IP6K2: variants seen among roughly 807,000 people sequenced by gnomAD.
IP6K2 encodes the protein inositol hexakisphosphate kinase 2, also known as ATP:1D-myo-inositol-hexakisphosphate phosphotransferase.
In IP6K2, 9 loss-of-function variants were observed where a neutral mutation model predicts 43.3. That is an observed-to-expected ratio of 0.21 (90% CI 0.13 to 0.36). IP6K2 has a LOEUF of 0.36. Among genes scored for constraint, IP6K2 ranks in the 10% least tolerant of loss-of-function variants. IP6K2 has a pLI of 1.00. For missense variants in IP6K2, 332 were observed against 538.4 expected, an observed-to-expected ratio of 0.62 and a Z score of 3.79; for synonymous variants, 209 against 202.4, an observed-to-expected ratio of 1.03 and a Z score of -0.28.
chr3:48,691,237 G>C, intron 4 of IP6K2, 70 bp downstream of exon 4: 1 of 1,309,022 alleles, frequency 7.6e-7, no homozygotes, highest in Non-Finnish European at 1.1e-6. Context: ...CTCTCTCCAA[G>C]CTCCAAGGGA....
At chr3:48,704,386 A>G (rs549428021) in intron 1 of IP6K2, among the ~76,000 whole-genome samples, 1 of 152,308 alleles carries the variant, frequency 6.6e-6, no homozygotes, top group South Asian at 2.1e-4. Context: ...TATTTTTTTC[A>G]TTCAATTGTA....
At chr3:48,699,102 A>G (rs574326994) in intron 1 of IP6K2, among the ~76,000 whole-genome samples, 4 of 152,290 alleles carry the variant, frequency 2.6e-5, no homozygotes, top group African/African-American at 9.6e-5. Flanking sequence ...TGGCGTCTCT[A>G]GAGTGTGGCT....
chr3:48,690,323 A>G (rs1021805710), intron 4 of IP6K2, among the ~76,000 whole-genome samples: 2 of 152,234 alleles, frequency 1.3e-5, no homozygotes, highest in Non-Finnish European at 2.9e-5. Flanking sequence ...AATGGTTTTT[A>G]CATTTTTAAG....
chr3:48,697,488 ATTTT>A (rs35746542), intron 1 of IP6K2, among the ~76,000 whole-genome samples: 2 of 64,324 alleles, frequency 3.1e-5, no homozygotes, highest in African/African-American at 1.3e-4. Context: ...ATGCCTGGCT[ATTTT>A]TTTTTTTTTT....
chr3:48,694,207 G>C, intron 2 of IP6K2: 1 of 1,551,430 alleles, frequency 6.4e-7, no homozygotes, highest in South Asian at 1.2e-5. Context: ...ATGGGGCAGG[G>C]ATGGCCAGCT....
chr3:48,701,884 C>A (rs892834063), intron 1 of IP6K2, among the ~76,000 whole-genome samples: 6 of 151,980 alleles, frequency 3.9e-5, no homozygotes, highest in Admixed American at 2.0e-4. Flanking sequence ...GGCAACAGAG[C>A]GAGACTTCGT....
At chr3:48,704,848 C>T (rs542866469) in intron 1 of IP6K2, among the ~76,000 whole-genome samples, 2 of 151,980 alleles carry the variant, frequency 1.3e-5, no homozygotes, top group Middle Eastern at 3.2e-3. Flanking sequence ...TCTCACCTCA[C>T]GGCAACCTCT....
intron 1 of IP6K2, among the ~76,000 whole-genome samples, chr3:48,705,579 G>A (rs2079626838): frequency 6.6e-6 from 1 of 151,552 alleles, no homozygotes; most frequent in South Asian, 2.1e-4. Context: ...CTGGAGTGCA[G>A]GAGTTCCAGA....
At chr3:48,706,266 C>T (rs1000744442) in intron 1 of IP6K2, among the ~76,000 whole-genome samples, 2 of 151,702 alleles carry the variant, frequency 1.3e-5, no homozygotes, top group Non-Finnish European at 2.9e-5. Flanking sequence ...AGACCAGCCT[C>T]GGCAACACAG....
At chr3:48,689,109 A>G (rs1393658003) in intron 5 of IP6K2, among the ~76,000 whole-genome samples, 1 of 152,232 alleles carries the variant, frequency 6.6e-6, no homozygotes, top group Non-Finnish European at 1.5e-5. Context: ...GCAGGCATGC[A>G]TGCTTTCTTT....
chr3:48,695,765 C>T lies in IP6K2; in HGVS notation c.-130-344G>A, dbSNP rs937315240. ...AGCCTAATATTTGGATTAAATCTTA[C>T]CATTTTCTAATAAGAGTGTCAAGCT... On this transcript the variant is annotated intron_variant, in intron 1 of 5. Transcript: ENST00000328631. This position sits in a 1 kb window ranked among gnomAD's most constrained non-coding sequence, Gnocchi z 4.6. Among the ~76,000 whole-genome samples the T allele has an allele frequency of 2.1e-4, 32 of 151,240 alleles. No homozygotes were observed. The highest frequency in any genetic ancestry group is 6.8e-3 in the Middle Eastern group (2 of 292).
rs2107126148 is a variant in IP6K2, at chr3:48,715,599, C to T, written c.-131+1558G>A. 7 of 788,404 alleles carry T rather than the reference C, an allele frequency of 8.9e-6. No homozygotes were observed. In the Middle Eastern group the frequency reaches 1.1e-3, roughly 124 times the overall value. The allele number at this position is 788,404 out of a possible 1,614,324, so 48.8% of individuals were successfully genotyped here. On this transcript the variant is annotated intron_variant, in intron 1 of 5. Transcript: ENST00000328631. Reference sequence around the variant, plus strand: ...AGATCTCCCAGGTCCCTGCCTTGCTCCCTCCCTACCCAGGCCCTGCATAAA... The same window carrying T: ...AGATCTCCCAGGTCCCTGCCTTGCTTCCTCCCTACCCAGGCCCTGCATAAA...
intron 1 of IP6K2, among the ~76,000 whole-genome samples, chr3:48,704,829 A>G (rs1213473156): frequency 6.6e-6 from 1 of 151,708 alleles, no homozygotes; most frequent in Non-Finnish European, 1.5e-5. Context: ...CCCAGGCTAG[A>G]GTGCATGATC....
intron 1 of IP6K2, among the ~76,000 whole-genome samples, chr3:48,710,621 T>C (rs555212634): frequency 4.2e-4 from 64 of 152,260 alleles, no homozygotes; most frequent in African/African-American, 1.4e-3. Context: ...AGTTTAGTTT[T>C]TTTTTTGAGA....
rs1017577157 is a variant in IP6K2, at chr3:48,695,636, G to C, written c.-130-215C>G. 2.0e-6 allele frequency: 1 copy of C among 507,832 alleles called. No homozygotes were observed. Among genetic ancestry groups the C allele is most frequent in the African/African-American group, 2.0e-5 (1 of 50,786 alleles). 31.5% of individuals were successfully genotyped at this position (507,832 alleles called of 1,614,324 possible). A position where few individuals can be genotyped will look rare whatever the true frequency, so the allele number is the denominator to read the frequency against. ...GCGGGGTTAGATGCAGACAGGCAGG[G>C]AATGGGTTCAGGGGCCCTAAAAAGG... On this transcript the variant is annotated intron_variant, in intron 1 of 5. Coordinates refer to ENST00000328631, the MANE Select transcript of IP6K2 (RefSeq NM_016291.4). The surrounding 1 kb of genome is among the most constrained non-coding windows in gnomAD (Gnocchi z 4.6).
chr3:48,701,512 A>G (rs1197921907), intron 1 of IP6K2, among the ~76,000 whole-genome samples: 1 of 125,094 alleles, frequency 8.0e-6, no homozygotes, highest in Admixed American at 1.1e-4. Context: ...GGCTACAGTG[A>G]GCCGAGATCG....
rs2078215253 is a variant in IP6K2, at chr3:48,695,362, T to G, written c.-71A>C. On this transcript the variant is annotated 5_prime_UTR_variant, in exon 2 of 6. Transcript: ENST00000328631. This position sits in a 1 kb window ranked among gnomAD's most constrained non-coding sequence, Gnocchi z 4.6. ...AGCGGCCAGTACGTCTTCTGTCTGT[T>G]GTTTGTCCGTGTGTCCCTCTCGTCT... The G allele has an allele frequency of 6.6e-7, 1 of 1,508,000 alleles. No individual in the cohort carries two copies. The highest frequency in any genetic ancestry group is 1.4e-5 in the African/African-American group (1 of 72,050). 93.4% of individuals were successfully genotyped at this position (1,508,000 alleles called of 1,614,324 possible). A position where few individuals can be genotyped will look rare whatever the true frequency, so the allele number is the denominator to read the frequency against.
intron 1 of IP6K2, among the ~76,000 whole-genome samples, chr3:48,704,164 G>T (rs1394332581): frequency 6.6e-6 from 1 of 152,124 alleles, no homozygotes; most frequent in Non-Finnish European, 1.5e-5. Context: ...AATAAAGCCA[G>T]GAAGGAAACA....
At chr3:48,694,552 A>G in intron 2 of IP6K2, 1 of 1,521,776 alleles carries the variant, frequency 6.6e-7, no homozygotes, top group Non-Finnish European at 8.8e-7. Context: ...AAAAAGAAAT[A>G]AAAAATTATC....
Sources: gnomAD v4.1 joint callset for allele counts (sites outside exome capture counted in the v4.1 genomes callset) on GRCh38, gnomAD v4.1.1 for gene constraint, Gnocchi (gnomAD v3.1) non-coding constraint, MANE v1.5 for transcripts, NCBI Gene and HGNC (gene_info 2026-07-23, HGNC 2026-07-21) for gene names.